TMEM183A: variants seen among roughly 807,000 people sequenced by gnomAD.
TMEM183A encodes transmembrane protein 183A, also known as chromosome 1 open reading frame 37.
Under a neutral mutation model 46.7 loss-of-function variants are expected in TMEM183A, and 21 were observed. That is an observed-to-expected ratio of 0.45 (90% CI 0.32 to 0.65). The LOEUF is 0.65. Ranked by LOEUF, TMEM183A falls within the 30% of genes least tolerant of loss-of-function variation. TMEM183A has a pLI of 0.04. For synonymous variants in TMEM183A, 165 were observed against 180.2 expected (o/e 0.92, Z 0.68); for missense variants, 331 against 481.9 (o/e 0.69, Z 2.93).
chr1:203,021,106 A>G (rs1482035765), intron 7 of TMEM183A, among the ~76,000 whole-genome samples, 158 bp downstream of exon 7: 1 of 142,782 alleles, frequency 7.0e-6, no homozygotes, highest in Non-Finnish European at 1.5e-5. Context: ...ATCATCACTC[A>G]TTGCAACCTC....
At chr1:203,009,088 GTTA>G (rs1656298422) in intron 3 of TMEM183A, among the ~76,000 whole-genome samples, 1 of 152,130 alleles carries the variant, frequency 6.6e-6, no homozygotes, top group South Asian at 2.1e-4. Flanking sequence ...TTGAGAACAT[GTTA>G]TTATCAGGTA....
Position 203,021,047 on chromosome 1 carries a change from T to TTA in TMEM183A, c.945+99_945+100insTA, listed in dbSNP as rs1558046263. The TTA allele has an allele frequency of 1.8e-5, 20 of 1,116,784 alleles. No homozygotes were observed. In the African/African-American group the frequency reaches 2.3e-4, roughly 13 times the overall value. 69.2% of individuals were successfully genotyped at this position (1,116,784 alleles called of 1,614,324 possible). On this transcript the variant is annotated intron_variant, in intron 7 of 7. Coordinates refer to ENST00000367242, the MANE Select transcript of TMEM183A (RefSeq NM_138391.6). ...CAGCTCTTTTTTTTTTTTTTTTTTT[T>TTA]AAGAGACGTGGTCTCACTCTGTCAC...
intron 3 of TMEM183A, among the ~76,000 whole-genome samples, chr1:203,012,185 C>CACACAT (rs60471086): frequency 8.7e-6 from 1 of 114,896 alleles, no homozygotes; most frequent in East Asian, 2.3e-4. Context: ...CACACACACA[C>CACACAT]GGTTATTTTG....
chr1:203,022,702 CAAAA>C (rs112434420), intron 7 of TMEM183A, among the ~76,000 whole-genome samples, 149 bp from the exon 8 acceptor site: 1 of 100,576 alleles, frequency 9.9e-6, no homozygotes. Context: ...GGTCCTTTCT[CAAAA>C]AAAAAAAAAA....
At position 203,008,714 on chromosome 1, in the gene TMEM183A, T is replaced by G. The variant is rs1356164522; in HGVS notation, c.271T>G (p.Cys91Gly). 1 of 1,610,360 alleles carries G rather than the reference T, an allele frequency of 6.2e-7. No homozygotes were observed. Among genetic ancestry groups the G allele is most frequent in the South Asian group, 1.1e-5 (1 of 90,412 alleles). ...EEALSGAGEP[C>G]DIIDSSDEMD... ...AGCTCTTTCTGGGGCTGGTGAGCCCTGTGACATCATCGACAGCAGTGATGA... is the reference window on the plus strand; with the variant it reads ...AGCTCTTTCTGGGGCTGGTGAGCCCGGTGACATCATCGACAGCAGTGATGA... Residue 91 changes from cysteine to glycine, a missense_variant, in exon 3 of 8, where the codon TGT becomes GGT. Coordinates refer to ENST00000367242, the MANE Select transcript of TMEM183A (RefSeq NM_138391.6).
At chr1:203,008,538 T>C (rs1201252595) in intron 2 of TMEM183A, 105 bp from the exon 3 acceptor site, 1 of 932,350 alleles carries the variant, frequency 1.1e-6, no homozygotes, top group East Asian at 3.2e-5. Context: ...CTCAACGATG[T>C]TTTTTTTCCC....
Position 203,019,963 on chromosome 1 carries a change from A to C in TMEM183A, c.790-830A>C, listed in dbSNP as rs541991013. On this transcript the variant is annotated intron_variant, in intron 6 of 7. Transcript: ENST00000367242. Reference sequence around the variant, plus strand: ...TCTCACTATGCATATAAAACCCATAAACTCATTACAGAGGAGACAGGTGAA... The same window carrying C: ...TCTCACTATGCATATAAAACCCATACACTCATTACAGAGGAGACAGGTGAA... 4.6e-5 allele frequency among the ~76,000 whole-genome samples: 7 copies of C among 150,760 alleles called. No homozygotes were observed. The East Asian group carries it at 1.4e-3, about 29-fold the overall frequency.
chr1:203,015,736 G>T, intron 4 of TMEM183A: 1 of 562,830 alleles, frequency 1.8e-6, no homozygotes, highest in Non-Finnish European at 3.1e-6. Context: ...CTTTTGTTCA[G>T]TGAAAAAGTG....
chr1:203,020,767 T>C (rs758369620), intron 6 of TMEM183A, 26 bp from the exon 7 acceptor site: 10 of 1,613,326 alleles, frequency 6.2e-6, no homozygotes, highest in African/African-American at 5.3e-5. Flanking sequence ...TTCTAAGCCA[T>C]TGGATTAATT....
At chr1:203,018,420 G>C (rs1657369745) in intron 5 of TMEM183A, 61 bp from the exon 6 acceptor site, 1 of 1,555,698 alleles carries the variant, frequency 6.4e-7, no homozygotes, top group Non-Finnish European at 8.7e-7. Flanking sequence ...TTTGGTTGTA[G>C]TGTATTTTGA....
chr1:203,008,592 A>G, intron 2 of TMEM183A, 51 bp from the exon 3 acceptor site: 1 of 1,354,488 alleles, frequency 7.4e-7, no homozygotes, highest in Non-Finnish European at 9.6e-7. Context: ...AGTTGTTTGT[A>G]TTTCTGGGTG....
At chr1:203,018,062 G>C in intron 5 of TMEM183A, 5 of 570,864 alleles carry the variant, frequency 8.8e-6, no homozygotes, top group Non-Finnish European at 1.1e-5. Context: ...TTCTATTATA[G>C]GGCCAGCCCT....
Position 203,008,816 on chromosome 1 carries a change from G to A in TMEM183A, c.367+6G>A. On this transcript the variant is annotated splice_donor_region_variant and intron_variant, in intron 3 of 7. Transcript: ENST00000367242. ...GAAAAGCAAGAGACACAAAGGTATG[G>A]AGCTTGTTCTCTTTTGGTTTATTAG... 3 of 1,589,032 alleles carry A rather than the reference G, an allele frequency of 1.9e-6. No individual in the cohort carries two copies. The highest frequency in any genetic ancestry group is 1.8e-5 in the Admixed American group (1 of 54,960).
rs1432538506 is a variant in TMEM183A, at chr1:203,024,037, G to C, written c.*997G>C. 6.6e-6 allele frequency: 1 copy of C among 152,194 alleles called. No homozygotes were observed. Among genetic ancestry groups the C allele is most frequent in the African/African-American group, 2.4e-5 (1 of 41,444 alleles). 9.4% of individuals were successfully genotyped at this position (152,194 alleles called of 1,614,324 possible). A position where few individuals can be genotyped will look rare whatever the true frequency, so the allele number is the denominator to read the frequency against. On this transcript the variant is annotated 3_prime_UTR_variant, in exon 8 of 8. Transcript: ENST00000367242. ...ATTTCTGAATAAAATGTAAAACCAA[G>C]AAAGTTATTTCAGGAAGGATAGTGA...
intron 3 of TMEM183A, among the ~76,000 whole-genome samples, chr1:203,012,803 C>T (rs1656789935): frequency 6.6e-6 from 1 of 152,184 alleles, no homozygotes. Context: ...AGTCATGGCT[C>T]ACCGCAGCCT....
intron 2 of TMEM183A, 24 bp downstream of exon 2, chr1:203,007,887 A>G: frequency 6.2e-7 from 1 of 1,613,702 alleles, no homozygotes; most frequent in Non-Finnish European, 8.5e-7. Context: ...GAGCCTTTAA[A>G]GACTCATGCC....
At chr1:203,010,957 C>G (rs1483297372) in intron 3 of TMEM183A, among the ~76,000 whole-genome samples, 1 of 152,236 alleles carries the variant, frequency 6.6e-6, no homozygotes, top group Non-Finnish European at 1.5e-5. Context: ...AATATATAGT[C>G]TTTTGCATGT....
At chr1:203,011,643 C>T (rs374998060) in intron 3 of TMEM183A, among the ~76,000 whole-genome samples, 16 of 151,980 alleles carry the variant, frequency 1.1e-4, no homozygotes, top group East Asian at 9.6e-4. Context: ...TCCAGACCTC[C>T]GGTGATCCAC....
chr1:203,007,661 G>T, intron 1 of TMEM183A, 87 bp downstream of exon 1: 2 of 1,538,848 alleles, frequency 1.3e-6, no homozygotes, highest in South Asian at 1.2e-5. Flanking sequence ...GCGCTCGCGT[G>T]CCCGCGGCTG....
Sources: gnomAD v4.1 joint callset for allele counts (sites outside exome capture counted in the v4.1 genomes callset) on GRCh38, gnomAD v4.1.1 for gene constraint, MANE v1.5 for transcripts, NCBI Gene and HGNC (gene_info 2026-07-23, HGNC 2026-07-21) for gene names.